ESRP1: variants seen among roughly 807,000 people sequenced by gnomAD.
The protein encoded by ESRP1 is epithelial splicing regulatory protein 1.
A neutral mutation model predicts 81.7 loss-of-function variants in ESRP1; 33 were observed. That is an observed-to-expected ratio of 0.40 (90% CI 0.31 to 0.54). The LOEUF (loss-of-function observed/expected upper bound fraction) is 0.54, where lower values mean the gene tolerates loss of function less well. Among genes scored for constraint, ESRP1 ranks in the 20% least tolerant of loss-of-function variants. The probability of loss-of-function intolerance (pLI) is 0.41; values close to 1 mark genes in which losing one functional copy is unlikely to be tolerated. For synonymous variants in ESRP1, 320 were observed against 303.3 expected, an observed-to-expected ratio of 1.06 and a Z score of -0.57; for missense variants, 672 against 833.1, an observed-to-expected ratio of 0.81 and a Z score of 2.38.
Position 94,680,166 on chromosome 8 carries a change from T to C in ESRP1, c.1820+1795T>C, listed in dbSNP as rs970970162. Among the ~76,000 whole-genome samples, 7 of 152,072 alleles carry C rather than the reference T, an allele frequency of 4.6e-5. No homozygotes were observed. In the East Asian group the frequency reaches 1.2e-3, roughly 25 times the overall value. On this transcript the variant is annotated intron_variant, in intron 13 of 15. Transcript: ENST00000433389. ...CAAAGTGCTGGGGTTACAGGGAACA[T>C]GCTTGTATTTCTGTAAGACAGTTTT...
At chr8:94,661,470 A>G (rs1818743364) in intron 4 of ESRP1, among the ~76,000 whole-genome samples, 1 of 152,218 alleles carries the variant, frequency 6.6e-6, no homozygotes, top group South Asian at 2.1e-4. Flanking sequence ...GACTTGCTTT[A>G]TTGTGATATT....
chr8:94,671,774 A>G (rs1297519804), intron 11 of ESRP1, 103 bp downstream of exon 11: 2 of 707,580 alleles, frequency 2.8e-6, no homozygotes, highest in Admixed American at 3.4e-5. Flanking sequence ...ATCTAATATT[A>G]GATATTAGTC....
At chr8:94,689,773 A>G (rs1034267277) in intron 13 of ESRP1, among the ~76,000 whole-genome samples, 2 of 143,128 alleles carry the variant, frequency 1.4e-5, no homozygotes, top group Admixed American at 7.2e-5. Context: ...TCAGCCTCCC[A>G]AGCAGCTGGA....
At chr8:94,665,478 G>A (rs1443326352) in intron 9 of ESRP1, among the ~76,000 whole-genome samples, 2 of 152,236 alleles carry the variant, frequency 1.3e-5, no homozygotes, top group East Asian at 1.9e-4. Context: ...TATGCATATG[G>A]AAAGGCTAGG....
chr8:94,685,351 TATAGC>T (rs1416857678), intron 13 of ESRP1, among the ~76,000 whole-genome samples: 2 of 152,092 alleles, frequency 1.3e-5, no homozygotes, highest in Non-Finnish European at 2.9e-5. Context: ...GTCTGGAAAA[TATAGC>T]ATAGGGAGAA....
At position 94,667,932 on chromosome 8, in the gene ESRP1, ATAT is replaced by A; in HGVS notation, c.932-15_932-13del. The A allele has an allele frequency of 1.3e-6, 2 of 1,540,572 alleles. No individual in the cohort carries two copies. The highest frequency in any genetic ancestry group is 1.7e-6 in the Non-Finnish European group (2 of 1,144,106). Reference sequence around the variant, plus strand: ...TAACTATTTCTCTCCCTGCTTCCTAATATTTGTTTTCCCTAGGTACTTCCAATG... The same window carrying A: ...TAACTATTTCTCTCCCTGCTTCCTAATTGTTTTCCCTAGGTACTTCCAATG... On this transcript the variant is annotated splice_polypyrimidine_tract_variant and intron_variant, in intron 9 of 15. Coordinates refer to ENST00000433389, the MANE Select transcript of ESRP1 (RefSeq NM_017697.4).
chr8:94,697,104 T>A, intron 15 of ESRP1, 143 bp downstream of exon 15: 1 of 599,586 alleles, frequency 1.7e-6, no homozygotes. Context: ...GAATGGAGAC[T>A]AGAATTAAGT....
chr8:94,658,132 G>A lies in ESRP1; in HGVS notation c.491-4140G>A, dbSNP rs193169515. ...TCACCATGTTGGCTAGGCTGATCTC[G>A]AACTCCTGACCTCCAAGTGATCCAC... On this transcript the variant is annotated intron_variant, in intron 4 of 15. Transcript: ENST00000433389. 2.8e-3 allele frequency among the ~76,000 whole-genome samples: 430 copies of A among 152,238 alleles called. 1 individual carries two copies. The highest frequency in any genetic ancestry group is 2.7e-3 in the Non-Finnish European group (182 of 68,014).
Position 94,646,239 on chromosome 8 carries a change from T to C in ESRP1, c.447T>C (p.Gly149=), listed in dbSNP as rs200268412. The change falls in exon 4 of 16, where the codon GGT becomes GGC. Residue 149 remains glycine, a synonymous_variant. Transcript: ENST00000433389. ...LRKEFKKCCP[G]SPDIDKLDVA... Reference sequence around the variant, plus strand: ...AAGAATTCAAGAAATGTTGCCCTGGTTCACCTGATATTGACAAACTGGACG... The same window carrying C: ...AAGAATTCAAGAAATGTTGCCCTGGCTCACCTGATATTGACAAACTGGACG... 17 of 1,612,842 alleles carry C rather than the reference T, an allele frequency of 1.1e-5. No homozygotes were observed. The highest frequency in any genetic ancestry group is 1.3e-5 in the Non-Finnish European group (15 of 1,179,322).
chr8:94,681,170 C>CA (rs1252870906), intron 13 of ESRP1, among the ~76,000 whole-genome samples: 1 of 150,792 alleles, frequency 6.6e-6, no homozygotes, highest in Non-Finnish European at 1.5e-5. Context: ...CTAAAAAATA[C>CA]AAAAAATTAG....
rs777739228 is a variant in ESRP1 at position 94,667,947 on chromosome 8, A to G, written c.932-2A>G. ...CTGCTTCCTAATATTTGTTTTCCCT[A>G]GGTACTTCCAATGAGGTAGCCCAGT... is the stretch of plus-strand genomic sequence containing the variant. On this transcript the variant is annotated splice_acceptor_variant, in intron 9 of 15. Transcript: ENST00000433389. LOFTEE classifies it high-confidence loss of function. 6.4e-7 allele frequency: 1 copy of G among 1,572,478 alleles called. No homozygotes were observed. The highest frequency in any genetic ancestry group is 8.6e-7 in the Non-Finnish European group (1 of 1,159,038).
intron 1 of ESRP1, 52 bp downstream of exon 1, chr8:94,641,502 G>A (rs1290153296): frequency 1.2e-6 from 2 of 1,611,798 alleles, no homozygotes. Context: ...AGAAGTTTGT[G>A]GTAGAGGTTT....
rs747676832 is a variant in ESRP1 at position 94,678,359 on chromosome 8, C to A, written c.1808C>A (p.Ala603Glu). Residue 603 changes from alanine (A) to glutamate (E), a missense_variant, in exon 13 of 16, where the codon GCG becomes GAG. Physicochemically the swap from Ala to Glu is moderately radical, Grantham distance 107. Coordinates refer to ENST00000433389, the MANE Select transcript of ESRP1 (RefSeq NM_017697.4). ...AGTQLFMNYT[A>E]YYPSPPGSPN... is the part of the protein sequence containing the mutation. ...ACTCAGCTCTTCATGAATTACACAG[C>A]GTACTATCCCAGGTAAGGCTCTGAC... The A allele has an allele frequency of 6.2e-7, 1 of 1,613,290 alleles. No homozygotes were observed.
intron 4 of ESRP1, among the ~76,000 whole-genome samples, chr8:94,656,713 CAA>C: frequency 6.6e-6 from 1 of 152,004 alleles, no homozygotes; most frequent in East Asian, 2.0e-4. Context: ...TGAAAGTAAA[CAA>C]AAGGAATGGA....
At chr8:94,669,795 G>A (rs891556888) in intron 10 of ESRP1, among the ~76,000 whole-genome samples, 34 of 151,184 alleles carry the variant, frequency 2.2e-4, no homozygotes, top group Non-Finnish European at 4.4e-5. Context: ...GCTTGAACCC[G>A]GGAGGTGGAG....
intron 13 of ESRP1, among the ~76,000 whole-genome samples, chr8:94,689,376 T>C (rs1809282393): frequency 1.3e-5 from 2 of 152,134 alleles, no homozygotes; most frequent in South Asian, 4.1e-4. Flanking sequence ...CACTTTTAAA[T>C]GTTTCTCTAA....
intron 15 of ESRP1, among the ~76,000 whole-genome samples, chr8:94,699,767 A>G (rs1295815705): frequency 6.6e-6 from 1 of 152,236 alleles, no homozygotes; most frequent in Non-Finnish European, 1.5e-5. Context: ...AATTTGGAAC[A>G]GAGAGACAGG....
intron 14 of ESRP1, among the ~76,000 whole-genome samples, chr8:94,696,238 C>T (rs570092576): frequency 1.2e-4 from 18 of 152,196 alleles, no homozygotes; most frequent in Non-Finnish European, 2.2e-4. Context: ...ACTGAATGGA[C>T]TCTCAGGTAT....
At chr8:94,659,047 C>T (rs1818582824) in intron 4 of ESRP1, among the ~76,000 whole-genome samples, 1 of 152,146 alleles carries the variant, frequency 6.6e-6, no homozygotes, top group African/African-American at 2.4e-5. Flanking sequence ...GATGCAATGA[C>T]AGGCCAATTT....
Sources: gnomAD v4.1 joint callset for allele counts (sites outside exome capture counted in the v4.1 genomes callset) on GRCh38, gnomAD v4.1.1 for gene constraint, MANE v1.5 for transcripts, NCBI Gene and HGNC (gene_info 2026-07-23, HGNC 2026-07-21) for gene names.